The following ALDH1L2 variants were observed in gnomAD, a reference collection of about 807,000 sequenced individuals.
ALDH1L2 encodes the protein mitochondrial 10-formyltetrahydrofolate dehydrogenase.
ALDH1L2 carries 91 observed loss-of-function variants against 111.0 expected under a neutral mutation model. The ratio of observed to expected loss-of-function variants is 0.82; its 90% CI spans 0.69 to 0.98. The LOEUF (loss-of-function observed/expected upper bound fraction) is 0.98, where lower values mean the gene tolerates loss of function less well. Among genes scored for constraint, ALDH1L2 ranks in the 50% least tolerant of loss-of-function variants. ALDH1L2 has a pLI of 0.00. For missense variants in ALDH1L2, 995 were observed against 1,126.8 expected (o/e 0.88, Z 1.67); for synonymous variants, 374 against 392.6 (o/e 0.95, Z 0.56).
chr12:105,025,592 A>C (rs1213850079), intron 22 of ALDH1L2, among the ~76,000 whole-genome samples: 12 of 152,242 alleles, frequency 7.9e-5, no homozygotes, highest in Non-Finnish European at 1.8e-4. Context: ...ATTTAAAATG[A>C]GAGCTACTTT....
chr12:105,067,574 G>A (rs1452238439), intron 4 of ALDH1L2, among the ~76,000 whole-genome samples: 7 of 152,112 alleles, frequency 4.6e-5, no homozygotes, highest in African/African-American at 1.4e-4. Flanking sequence ...ATTGCCTTTG[G>A]GAGGTGTCCT....
intron 9 of ALDH1L2, chr12:105,060,312 T>C (rs1214662836): frequency 6.6e-6 from 1 of 152,190 alleles, no homozygotes; most frequent in Non-Finnish European, 1.5e-5. Context: ...GGAAATTCAC[T>C]GTTAGCATTC....
At chr12:105,083,795 T>C (rs1878447950) in intron 1 of ALDH1L2, among the ~76,000 whole-genome samples, 1 of 152,120 alleles carries the variant, frequency 6.6e-6, no homozygotes, top group Non-Finnish European at 1.5e-5. Context: ...TAGAATAGTG[T>C]TCCAGCGTGG....
intron 11 of ALDH1L2, 92 bp downstream of exon 11, chr12:105,052,719 TA>T: frequency 6.7e-7 from 1 of 1,497,922 alleles, no homozygotes. Flanking sequence ...AGTGAGAGAA[TA>T]AAAGGGCTTC....
At position 105,020,481 on chromosome 12, in the gene ALDH1L2, T is replaced by C. The variant is rs1334019938; in HGVS notation, c.*3943A>G. On this transcript the variant is annotated 3_prime_UTR_variant, in exon 23 of 23. Coordinates refer to ENST00000258494, the MANE Select transcript of ALDH1L2 (RefSeq NM_001034173.4). ...TAACCTCTCCATTTGAAAGCAAACA[T>C]TTATTGGGCTCCTGTTACACATTAG... 1 of 152,208 alleles carries C rather than the reference T, an allele frequency of 6.6e-6. No individual in the cohort carries two copies. The highest frequency in any genetic ancestry group is 1.5e-5 in the Non-Finnish European group (1 of 68,036). The allele number at this position is 152,208 out of a possible 1,614,324, so 9.4% of individuals were successfully genotyped here. A position where few individuals can be genotyped will look rare whatever the true frequency, so the allele number is the denominator to read the frequency against.
intron 9 of ALDH1L2, 154 bp downstream of exon 9, chr12:105,060,827 G>GGAAA (rs1876948297): frequency 1.4e-5 from 2 of 140,090 alleles, no homozygotes; most frequent in South Asian, 1.0e-4. Context: ...TCCATCTCAG[G>GGAAA]AAAAAAAAAA....
In ALDH1L2 at chr12:105,023,421, T is replaced by TA. The variant is rs2136041053; in HGVS notation, c.*1002dup. On this transcript the variant is annotated 3_prime_UTR_variant, in exon 23 of 23. Transcript: ENST00000258494. ...GTGTCAGAACAATGGATGAGAAAAA[T>TA]ATCTAGGAATTGATGATTGAAAAGG... is the stretch of plus-strand genomic sequence containing the variant. The TA allele has an allele frequency of 6.6e-6, 1 of 152,292 alleles. No individual in the cohort carries two copies. Among genetic ancestry groups the TA allele is most frequent in the East Asian group, 1.9e-4 (1 of 5,188 alleles). The allele number at this position is 152,292 out of a possible 1,614,324, so 9.4% of individuals were successfully genotyped here. A position where few individuals can be genotyped will look rare whatever the true frequency, so the allele number is the denominator to read the frequency against.
chr12:105,077,212 T>C (rs1878096244), intron 1 of ALDH1L2, among the ~76,000 whole-genome samples: 2 of 152,196 alleles, frequency 1.3e-5, no homozygotes, highest in Admixed American at 1.3e-4. Context: ...GGGCATAAAA[T>C]GACACACAGT....
chr12:105,040,975 G>C (rs1453778333), intron 15 of ALDH1L2, among the ~76,000 whole-genome samples: 1 of 152,092 alleles, frequency 6.6e-6, no homozygotes, highest in Non-Finnish European at 1.5e-5. Context: ...ATAAATTTAA[G>C]GAATATCTGT....
chr12:105,074,525 A>C (rs1877936931), intron 1 of ALDH1L2, among the ~76,000 whole-genome samples: 2 of 151,426 alleles, frequency 1.3e-5, no homozygotes, highest in Admixed American at 6.6e-5. Flanking sequence ...TCAGAGGGTC[A>C]TGACTTCCTA....
In ALDH1L2 at chr12:105,046,909, C is replaced by T; in HGVS notation, c.1747G>A (p.Glu583Lys). 1.9e-6 allele frequency: 3 copies of T among 1,614,066 alleles called. No homozygotes were observed. The highest frequency in any genetic ancestry group is 2.5e-6 in the Non-Finnish European group (3 of 1,179,954). ...PNRNLTFTKKEPLGVCAIIIP... is the reference protein window; with the variant it reads ...PNRNLTFTKKKPLGVCAIIIP... ...CTCTCCTTATCTTACCCGAGTGGCT[C>T]TTTCTTGGTGAAGGTCAGATTGCGA... The change falls in exon 14 of 23, where the codon GAG (glutamate) becomes AAG (lysine). Residue 583 changes from glutamate (E) to lysine (K), a missense_variant. Transcript: ENST00000258494.
chr12:105,039,219 G>A (rs770242148), intron 17 of ALDH1L2, among the ~76,000 whole-genome samples: 4 of 151,424 alleles, frequency 2.6e-5, no homozygotes, highest in Non-Finnish European at 5.9e-5. Flanking sequence ...ACTTTTCAAT[G>A]TTATTAAAAT....
chr12:105,038,624 C>T (rs753803294), intron 17 of ALDH1L2, among the ~76,000 whole-genome samples: 1 of 151,930 alleles, frequency 6.6e-6, no homozygotes, highest in Non-Finnish European at 1.5e-5. Context: ...CTGTGATCAC[C>T]ACTGCACTCC....
chr12:105,041,378 G>A (rs369258345), intron 15 of ALDH1L2, among the ~76,000 whole-genome samples: 2 of 152,110 alleles, frequency 1.3e-5, no homozygotes, highest in Non-Finnish European at 2.9e-5. Context: ...TGCACTTTTG[G>A]GAACAATGCC....
intron 1 of ALDH1L2, among the ~76,000 whole-genome samples, chr12:105,082,994 G>T (rs559694757): frequency 6.6e-6 from 1 of 152,132 alleles, no homozygotes; most frequent in Non-Finnish European, 1.5e-5. Context: ...GCACCCCTGC[G>T]TACAGTTAGA....
intron 18 of ALDH1L2, among the ~76,000 whole-genome samples, chr12:105,035,839 A>ATGTGTG (rs1159145670): frequency 0.019 from 1,893 of 100,192 alleles, 311 homozygotes; most frequent in African/African-American, 0.088. Context: ...ATATATATAT[A>ATGTGTG]TGTGTGTGTG....
chr12:105,066,650 A>G lies in ALDH1L2; in HGVS notation c.614T>C (p.Ile205Thr). ...TATACGAGGAGCTTTTCCATCAGCT[A>G]TGAGTTGGACAGCTTCTACCTAAGG... ...IKAMVEAVQLIADGKAPRIPQ... is the reference protein window; with the variant it reads ...IKAMVEAVQLTADGKAPRIPQ... Residue 205 changes from isoleucine to threonine, a missense_variant, in exon 5 of 23, where the codon ATA (isoleucine) becomes ACA (threonine). By Grantham distance (89) the Ile-to-Thr change is moderately conservative (BLOSUM62 -1). Coordinates refer to ENST00000258494, the MANE Select transcript of ALDH1L2 (RefSeq NM_001034173.4). 6.2e-7 allele frequency: 1 copy of G among 1,614,140 alleles called. No individual in the cohort carries two copies. Among genetic ancestry groups the G allele is most frequent in the Non-Finnish European group, 8.5e-7 (1 of 1,180,010 alleles).
rs1874244250 is a variant in ALDH1L2 at position 105,023,233 on chromosome 12, A to G, written c.*1191T>C. On this transcript the variant is annotated 3_prime_UTR_variant, in exon 23 of 23. Coordinates refer to ENST00000258494, the MANE Select transcript of ALDH1L2 (RefSeq NM_001034173.4). ...GAGATATTAGATTACTATCTTGCCC[A>G]AGATCACACAGCCAGTGAACAGCAG... 1 of 152,238 alleles carries G rather than the reference A, an allele frequency of 6.6e-6. No individual in the cohort carries two copies. Among genetic ancestry groups the G allele is most frequent in the Non-Finnish European group, 1.5e-5 (1 of 68,048 alleles). The allele number at this position is 152,238 out of a possible 1,614,324, so 9.4% of individuals were successfully genotyped here.
chr12:105,034,734 C>T (rs1417332689), intron 18 of ALDH1L2, among the ~76,000 whole-genome samples: 4 of 151,962 alleles, frequency 2.6e-5, no homozygotes, highest in Admixed American at 2.6e-4. Flanking sequence ...GCTTGTAATC[C>T]CAGAACTTTG....
Sources: allele counts gnomAD v4.1 joint callset (sites outside exome capture counted in the v4.1 genomes callset), GRCh38; gene constraint gnomAD v4.1.1; transcripts MANE v1.5; gene names NCBI Gene and HGNC (gene_info 2026-07-23, HGNC 2026-07-21).